The following PARD3 variants were observed in gnomAD, a reference collection of about 807,000 sequenced individuals.
The protein encoded by PARD3 is partitioning defective 3 homolog.
In PARD3, 75 loss-of-function variants were observed where a neutral mutation model predicts 155.4. That is an observed-to-expected ratio of 0.48 (90% CI 0.40 to 0.58). The LOEUF (loss-of-function observed/expected upper bound fraction) is 0.58, where lower values mean the gene tolerates loss of function less well. Among genes scored for constraint, PARD3 ranks in the 20% least tolerant of loss-of-function variants. The pLI is 0.00. For missense variants in PARD3, 1,642 were observed against 1,721.7 expected, an observed-to-expected ratio of 0.95 and a Z score of 0.82; for synonymous variants, 576 against 610.5, an observed-to-expected ratio of 0.94 and a Z score of 0.83.
chr10:34,462,598 A>C (rs2077719855), intron 4 of PARD3, among the ~76,000 whole-genome samples: 1 of 152,030 alleles, frequency 6.6e-6, no homozygotes, highest in African/African-American at 2.4e-5. Context: ...TAATCCAAAC[A>C]CATTGGGAGG....
At chr10:34,281,933 G>C (rs2133921806) in intron 21 of PARD3, among the ~76,000 whole-genome samples, 1 of 152,064 alleles carries the variant, frequency 6.6e-6, no homozygotes, top group South Asian at 2.1e-4. Context: ...CAGCAGTGAG[G>C]GAAAGGTTGT....
intron 1 of PARD3, among the ~76,000 whole-genome samples, chr10:34,794,577 AC>A (rs1353006983): frequency 6.6e-6 from 1 of 152,226 alleles, no homozygotes; most frequent in Non-Finnish European, 1.5e-5. Flanking sequence ...ACTTGGGGGT[AC>A]TACTGCTTAT....
At chr10:34,523,812 A>G (rs534909447) in intron 2 of PARD3, among the ~76,000 whole-genome samples, 2 of 152,372 alleles carry the variant, frequency 1.3e-5, no homozygotes, top group Admixed American at 6.5e-5. Flanking sequence ...AGGCTGTTCC[A>G]TGATGTATAA....
intron 22 of PARD3, among the ~76,000 whole-genome samples, chr10:34,250,623 AG>A (rs1954250190): frequency 2.0e-5 from 3 of 151,958 alleles, no homozygotes; most frequent in Admixed American, 2.0e-4. Flanking sequence ...AAGAAAAAAA[AG>A]TAAGCCCCTT....
chr10:34,623,066 C>A (rs528913394), intron 2 of PARD3, among the ~76,000 whole-genome samples: 1 of 152,140 alleles, frequency 6.6e-6, no homozygotes, highest in South Asian at 2.1e-4. Flanking sequence ...TTTCTGGCCC[C>A]TGAAGGCAGA....
intron 19 of PARD3, 70 bp downstream of exon 19, chr10:34,331,046 GC>G (rs1172409678): frequency 1.0e-5 from 12 of 1,183,518 alleles, no homozygotes; most frequent in Non-Finnish European, 1.5e-5. Context: ...AAACTCCAGG[GC>G]TCCCTGGAGC....
intron 22 of PARD3, among the ~76,000 whole-genome samples, chr10:34,230,296 C>G (rs1160774451): frequency 2.0e-5 from 3 of 152,118 alleles, no homozygotes; most frequent in African/African-American, 7.2e-5. Flanking sequence ...GTCCACCCAG[C>G]AGCAGCAGGT....
intron 5 of PARD3, among the ~76,000 whole-genome samples, chr10:34,418,988 C>A (rs1845937332): frequency 6.6e-6 from 1 of 152,040 alleles, no homozygotes; most frequent in Non-Finnish European, 1.5e-5. Context: ...CCAGCCCAGG[C>A]AGGTCTCGAA....
chr10:34,463,968 A>G (rs1014559164), intron 4 of PARD3, among the ~76,000 whole-genome samples: 1 of 152,196 alleles, frequency 6.6e-6, no homozygotes, highest in Non-Finnish European at 1.5e-5. Context: ...GTGTAAGTGC[A>G]CTCTATGATG....
intron 1 of PARD3, among the ~76,000 whole-genome samples, chr10:34,805,426 G>C (rs1432686676): frequency 6.6e-6 from 1 of 151,894 alleles, no homozygotes; most frequent in Non-Finnish European, 1.5e-5. Context: ...AAATCTTACA[G>C]TGTCTGAATA....
At chr10:34,399,174 T>C (rs1204996520) in intron 7 of PARD3, among the ~76,000 whole-genome samples, 156 bp downstream of exon 7, 1 of 152,178 alleles carries the variant, frequency 6.6e-6, no homozygotes, top group African/African-American at 2.4e-5. Flanking sequence ...CTTTCTGTGA[T>C]TATGACATAT....
chr10:34,797,770 G>A (rs955514385), intron 1 of PARD3, among the ~76,000 whole-genome samples: 1 of 151,994 alleles, frequency 6.6e-6, no homozygotes, highest in Non-Finnish European at 1.5e-5. Context: ...CAACTCCCCC[G>A]TGCTGTCTCT....
intron 12 of PARD3, among the ~76,000 whole-genome samples, chr10:34,370,232 CAT>C (rs1372572269): frequency 6.6e-6 from 1 of 152,170 alleles, no homozygotes; most frequent in Non-Finnish European, 1.5e-5. Context: ...AAGTCAGACA[CAT>C]GTAAAAGTAT....
At chr10:34,798,819 A>T (rs1842570944) in intron 1 of PARD3, among the ~76,000 whole-genome samples, 1 of 152,158 alleles carries the variant, frequency 6.6e-6, no homozygotes, top group African/African-American at 2.4e-5. Flanking sequence ...TTCCATGCAC[A>T]GTCCAAAGGC....
At chr10:34,331,394 T>G in intron 18 of PARD3, 50 bp from the exon 19 acceptor site, 1 of 1,228,924 alleles carries the variant, frequency 8.1e-7, no homozygotes, top group Non-Finnish European at 1.2e-6. Flanking sequence ...GTGAAAATTA[T>G]GTACCTGAAT....
At chr10:34,504,815 C>A (rs1037163809) in intron 3 of PARD3, among the ~76,000 whole-genome samples, 4 of 152,148 alleles carry the variant, frequency 2.6e-5, no homozygotes, top group Non-Finnish European at 4.4e-5. Flanking sequence ...GAACTGAGGA[C>A]ACAAAGCCAC....
At chr10:34,427,173 T>C (rs538390683) in intron 5 of PARD3, among the ~76,000 whole-genome samples, 1 of 152,340 alleles carries the variant, frequency 6.6e-6, no homozygotes, top group African/African-American at 2.4e-5. Flanking sequence ...ACAGCGATTT[T>C]CAGGGAACAA....
At chr10:34,143,590 T>G (rs1433141372) in intron 22 of PARD3, among the ~76,000 whole-genome samples, 1 of 152,170 alleles carries the variant, frequency 6.6e-6, no homozygotes, top group Non-Finnish European at 1.5e-5. Flanking sequence ...CTAAGCTATG[T>G]TTTTTTAAAA....
intron 2 of PARD3, among the ~76,000 whole-genome samples, chr10:34,684,058 T>A (rs2093897372): frequency 6.6e-6 from 1 of 152,220 alleles, no homozygotes; most frequent in Admixed American, 6.5e-5. Flanking sequence ...GTTATTTCAT[T>A]TCCAGGTTAT....
Sources: allele counts gnomAD v4.1 joint callset (sites outside exome capture counted in the v4.1 genomes callset), GRCh38; gene constraint gnomAD v4.1.1; transcripts MANE v1.5; gene names NCBI Gene and HGNC (gene_info 2026-07-23, HGNC 2026-07-21).